The following CSMD1 variants were observed in gnomAD, a reference collection of about 807,000 sequenced individuals.
CSMD1 encodes the protein CUB and Sushi multiple domains 1, also known as CUB and sushi domain-containing protein 1.
In CSMD1, 213 loss-of-function variants were observed where a neutral mutation model predicts 417.5. The ratio of observed to expected loss-of-function variants is 0.51; its 90% CI spans 0.46 to 0.57. The LOEUF (loss-of-function observed/expected upper bound fraction) is 0.57. Ranked by LOEUF, CSMD1 falls within the 20% of genes least tolerant of loss-of-function variation. The pLI is 0.00. For synonymous variants in CSMD1, 2,862 were observed against 1,736.8 expected, an observed-to-expected ratio of 1.65 and a Z score of -16.11; for missense variants, 6,923 against 4,529.7, an observed-to-expected ratio of 1.53 and a Z score of -15.17.
chr8:4,954,531 T>C (rs73659086), intron 1 of CSMD1, among the ~76,000 whole-genome samples: 1 of 152,308 alleles, frequency 6.6e-6, no homozygotes, highest in Admixed American at 6.5e-5. Context: ...CATCTATAGA[T>C]TTTATTTTTT....
chr8:3,815,364 C>A (rs1446658407), intron 5 of CSMD1, among the ~76,000 whole-genome samples: 1 of 152,104 alleles, frequency 6.6e-6, no homozygotes, highest in Non-Finnish European at 1.5e-5. Flanking sequence ...AGTTAGAGAA[C>A]TGTGTTAAAA....
chr8:3,559,663 G>A (rs964534277), intron 10 of CSMD1, among the ~76,000 whole-genome samples: 12 of 152,064 alleles, frequency 7.9e-5, no homozygotes, highest in African/African-American at 2.9e-4. Context: ...TTCACTTTCT[G>A]CTTCGTATTT....
Position 2,973,367 on chromosome 8 carries a change from C to T in CSMD1, c.8741-68G>A, listed in dbSNP as rs544826560. ...ACTTGTTTTAAGCAGAGTTGTCACA[C>T]TTAAAGATAATGAAAAGTTGTTGAA... is the stretch of plus-strand genomic sequence containing the variant. On this transcript the variant is annotated intron_variant, in intron 56 of 69. Transcript: ENST00000635120. 8.3e-6 allele frequency: 12 copies of T among 1,453,094 alleles called. No homozygotes were observed. In the African/African-American group the frequency reaches 1.7e-4, roughly 21 times the overall value. The allele number at this position is 1,453,094 out of a possible 1,614,324, so 90.0% of individuals were successfully genotyped here.
intron 1 of CSMD1, among the ~76,000 whole-genome samples, chr8:4,873,666 G>A (rs902418800): frequency 1.3e-5 from 2 of 152,032 alleles, no homozygotes; most frequent in African/African-American, 4.8e-5. Flanking sequence ...TATCCATTCA[G>A]TAAACACTTA....
chr8:3,528,957 A>T (rs1382895783), intron 10 of CSMD1, among the ~76,000 whole-genome samples: 2 of 152,254 alleles, frequency 1.3e-5, no homozygotes, highest in African/African-American at 4.8e-5. Context: ...CATGCCAGTG[A>T]AAAGTATGAC....
chr8:4,873,224 G>C lies in CSMD1; in HGVS notation c.85+121108C>G, dbSNP rs1024116422. Among the ~76,000 whole-genome samples the C allele has an allele frequency of 1.1e-4, 16 of 152,036 alleles. No homozygotes were observed. In the South Asian group the frequency reaches 2.1e-3, roughly 20 times the overall value. The stretch of plus-strand genomic sequence containing the variant: ...CTGTATTTAATTATTGGGGTTTGGT[G>C]GTGGGAATTTTGCAGAGGTTTGAAA... On this transcript the variant is annotated intron_variant, in intron 1 of 69. Coordinates refer to ENST00000635120, the MANE Select transcript of CSMD1 (RefSeq NM_033225.6).
In CSMD1 at chr8:4,671,467, G is replaced by A. The variant is rs146756517; in HGVS notation, c.86-33909C>T. ...TTTATTGTGATAATTCTGGAAGCACGACAGAAAAGCCACTGTTCTGGAATA... is the reference window on the plus strand; with the variant it reads ...TTTATTGTGATAATTCTGGAAGCACAACAGAAAAGCCACTGTTCTGGAATA... On this transcript the variant is annotated intron_variant, in intron 1 of 69. Coordinates refer to ENST00000635120, the MANE Select transcript of CSMD1 (RefSeq NM_033225.6). 3.4e-3 allele frequency among the ~76,000 whole-genome samples: 524 copies of A among 152,258 alleles called. 9 individuals carry two copies. The highest frequency in any genetic ancestry group is 0.028 in the Admixed American group (435 of 15,300).
chr8:4,312,844 G>T (rs1585211059), intron 3 of CSMD1, among the ~76,000 whole-genome samples: 3 of 152,076 alleles, frequency 2.0e-5, no homozygotes, highest in Non-Finnish European at 4.4e-5. Flanking sequence ...AGGCAAGGCG[G>T]TAAGAGTGAA....
chr8:4,906,431 A>T (rs897253218), intron 1 of CSMD1, among the ~76,000 whole-genome samples: 4 of 152,222 alleles, frequency 2.6e-5, no homozygotes, highest in African/African-American at 9.7e-5. Flanking sequence ...CAGCAACTTA[A>T]AGGACCAAGG....
intron 5 of CSMD1, among the ~76,000 whole-genome samples, chr8:3,963,073 G>C (rs1303129570): frequency 6.6e-6 from 1 of 152,026 alleles, no homozygotes; most frequent in Non-Finnish European, 1.5e-5. Flanking sequence ...TGAGATTACA[G>C]GTATGCACAA....
Position 3,903,851 on chromosome 8 carries a change from T to G in CSMD1, c.818+94052A>C, listed in dbSNP as rs2948660. 1.3e-4 allele frequency among the ~76,000 whole-genome samples: 19 copies of G among 151,998 alleles called. No individual in the cohort carries two copies. The South Asian group carries it at 3.9e-3, about 32-fold the overall frequency. On this transcript the variant is annotated intron_variant, in intron 5 of 69. Transcript: ENST00000635120. ...TCTGAGGTCTCTTTAGTGGTCTTGT[T>G]TGTTAGGGAGTCATTGCCATATATA... is the stretch of plus-strand genomic sequence containing the variant.
chr8:4,021,149 T>C (rs1250253704), intron 4 of CSMD1, among the ~76,000 whole-genome samples: 1 of 152,208 alleles, frequency 6.6e-6, no homozygotes, highest in East Asian at 1.9e-4. Context: ...TGTATGCAGC[T>C]CATGAGCACG....
At chr8:3,484,169 G>A (rs534641407) in intron 11 of CSMD1, among the ~76,000 whole-genome samples, 10 of 152,230 alleles carry the variant, frequency 6.6e-5, no homozygotes, top group Middle Eastern at 3.4e-3. Flanking sequence ...ACATCACTCC[G>A]CCTGATATTA....
At chr8:4,461,741 A>ATT (rs35226423) in intron 2 of CSMD1, among the ~76,000 whole-genome samples, 14,201 of 124,434 alleles carry the variant, frequency 0.11, 1,011 homozygotes, top group South Asian at 0.14. Flanking sequence ...TTATTTACTT[A>ATT]TTTTTTTTTT....
At chr8:3,150,468 G>C (rs1386525705) in intron 40 of CSMD1, among the ~76,000 whole-genome samples, 1 of 152,284 alleles carries the variant, frequency 6.6e-6, no homozygotes, top group East Asian at 1.9e-4. Flanking sequence ...AGTCCACCCT[G>C]ACTGCTCACT....
chr8:3,139,178 G>A (rs918717214), intron 41 of CSMD1, among the ~76,000 whole-genome samples: 3 of 152,154 alleles, frequency 2.0e-5, no homozygotes, highest in African/African-American at 7.2e-5. Context: ...GTGTCCTGGC[G>A]CTTGCAGAAG....
intron 5 of CSMD1, among the ~76,000 whole-genome samples, chr8:3,811,460 A>G (rs1224664796): frequency 1.3e-5 from 2 of 152,074 alleles, no homozygotes; most frequent in Admixed American, 6.6e-5. Context: ...TTTTATCTAG[A>G]ATAGACATTT....
At chr8:3,738,544 G>T (rs2129049617) in intron 6 of CSMD1, among the ~76,000 whole-genome samples, 2 of 152,290 alleles carry the variant, frequency 1.3e-5, no homozygotes, top group African/African-American at 4.8e-5. Flanking sequence ...CGCCAAACAT[G>T]AATGCCCTTC....
rs987338930 is a variant in CSMD1 at position 3,667,740 on chromosome 8, C to A, written c.1009+40674G>T. The stretch of plus-strand genomic sequence containing the variant: ...GTAGTTACTCATTAGAGAAAGTAAA[C>A]AAGAGTTCTGAAAAGCAACCTTCAG... On this transcript the variant is annotated intron_variant, in intron 7 of 69. Coordinates refer to ENST00000635120, the MANE Select transcript of CSMD1 (RefSeq NM_033225.6). Among the ~76,000 whole-genome samples the A allele has an allele frequency of 2.0e-5, 3 of 152,120 alleles. 1 individual carries two copies. Among genetic ancestry groups the A allele is most frequent in the South Asian group, 2.1e-4 (1 of 4,834 alleles).
Sources: gnomAD v4.1 joint callset for allele counts (sites outside exome capture counted in the v4.1 genomes callset) on GRCh38, gnomAD v4.1.1 for gene constraint, MANE v1.5 for transcripts, NCBI Gene and HGNC (gene_info 2026-07-23, HGNC 2026-07-21) for gene names.